The following CAMK2A variants were observed in gnomAD, a reference collection of about 807,000 sequenced individuals.
The protein encoded by CAMK2A is calcium/calmodulin-dependent protein kinase type II subunit alpha.
In CAMK2A, 7 loss-of-function variants were observed where a neutral mutation model predicts 79.2. That is an observed-to-expected ratio of 0.09 (90% CI 0.05 to 0.17). The LOEUF (loss-of-function observed/expected upper bound fraction) is 0.17, where lower values mean the gene tolerates loss of function less well. Among genes scored for constraint, CAMK2A ranks in the 10% least tolerant of loss-of-function variants. The pLI, the probability that CAMK2A is intolerant of heterozygous loss-of-function variation, is 1.00. For synonymous variants in CAMK2A, 242 were observed against 251.7 expected (o/e 0.96, Z 0.36); for missense variants, 214 against 646.4 (o/e 0.33, Z 7.25).
chr5:150,252,488 C>T (rs772783976), intron 7 of CAMK2A, among the ~76,000 whole-genome samples: 60 of 152,198 alleles, frequency 3.9e-4, no homozygotes, highest in Non-Finnish European at 4.4e-4. Context: ...CTCTGCACCC[C>T]CTTGTTGGAG....
chr5:150,278,706 T>G (rs1304936588), intron 1 of CAMK2A, among the ~76,000 whole-genome samples: 1 of 146,506 alleles, frequency 6.8e-6, no homozygotes, highest in African/African-American at 2.5e-5. Flanking sequence ...CCTCGAGGGG[T>G]GTAGGGGAAT....
chr5:150,246,130 T>C (rs1408423388), intron 12 of CAMK2A, among the ~76,000 whole-genome samples: 4 of 152,212 alleles, frequency 2.6e-5, no homozygotes, highest in Non-Finnish European at 5.9e-5. Flanking sequence ...GAGGGTCATA[T>C]GAGCCACTGA....
chr5:150,282,696 C>A (rs1051015248), intron 1 of CAMK2A, among the ~76,000 whole-genome samples: 1 of 152,364 alleles, frequency 6.6e-6, no homozygotes, highest in East Asian at 1.9e-4. Context: ...AGCCCTCTTC[C>A]CTCCAATATA....
chr5:150,289,391 C>T (rs1333870898), intron 1 of CAMK2A, among the ~76,000 whole-genome samples, 173 bp downstream of exon 1: 2 of 152,150 alleles, frequency 1.3e-5, no homozygotes. Context: ...ACAAACATAC[C>T]CACGCCCGAC....
chr5:150,253,618 A>G, intron 6 of CAMK2A, 72 bp from the exon 7 acceptor site: 1 of 1,277,510 alleles, frequency 7.8e-7, no homozygotes, highest in African/African-American at 1.5e-5. Context: ...TCAGAGCCTC[A>G]CCTCTAGGGG....
chr5:150,264,863 G>T (rs920816591), intron 3 of CAMK2A, 93 bp downstream of exon 3: 2 of 910,792 alleles, frequency 2.2e-6, no homozygotes, highest in Non-Finnish European at 1.8e-6. Context: ...GAGAGCAGCT[G>T]CTCTCCACCC....
upstream of CAMK2A, chr5:150,289,941 C>T (rs983440163): frequency 5.0e-6 from 2 of 399,656 alleles, no homozygotes; most frequent in Admixed American, 7.9e-5. Flanking sequence ...GACCATACCG[C>T]ACACAATACT....
intron 13 of CAMK2A, among the ~76,000 whole-genome samples, chr5:150,243,357 C>T (rs1370030551): frequency 6.6e-6 from 1 of 152,186 alleles, no homozygotes; most frequent in Non-Finnish European, 1.5e-5. Context: ...CCCAGCACCC[C>T]TAGCTCAGCG....
chr5:150,264,879 G>C, intron 3 of CAMK2A, 77 bp downstream of exon 3: 1 of 1,151,850 alleles, frequency 8.7e-7, no homozygotes, highest in Admixed American at 1.7e-5. Context: ...CACCCAACCC[G>C]CAAACACCCA....
At chr5:150,235,643 C>A (rs931145396) in intron 15 of CAMK2A, among the ~76,000 whole-genome samples, 2 of 152,122 alleles carry the variant, frequency 1.3e-5, no homozygotes, top group African/African-American at 4.8e-5. Flanking sequence ...AAGCAGAGCC[C>A]CAGGCAGCTC....
At chr5:150,234,249 T>C (rs1322454471) in intron 15 of CAMK2A, among the ~76,000 whole-genome samples, 1 of 152,176 alleles carries the variant, frequency 6.6e-6, no homozygotes, top group African/African-American at 2.4e-5. Context: ...GGCTCACCGT[T>C]CCAGGAGCCT....
At chr5:150,273,182 G>C in intron 1 of CAMK2A, 23 bp from the exon 2 acceptor site, 1 of 1,572,674 alleles carries the variant, frequency 6.4e-7, no homozygotes, top group Non-Finnish European at 8.7e-7. Flanking sequence ...AGAAGGTGGA[G>C]AGGGTGAGGG....
Position 150,247,818 on chromosome 5 carries a change from C to T in CAMK2A, c.901-4G>A, listed in dbSNP as rs1379270430. On this transcript the variant is annotated splice_polypyrimidine_tract_variant and splice_region_variant and intron_variant, in intron 11 of 18. Coordinates refer to ENST00000671881, the MANE Select transcript of CAMK2A (RefSeq NM_015981.4). Reference sequence around the variant, plus strand: ...GCATCGTGGTGAGAATGGCTCCCTGCAAGACATAAGAAGAGGGCAGTGGGA... The same window carrying T: ...GCATCGTGGTGAGAATGGCTCCCTGTAAGACATAAGAAGAGGGCAGTGGGA... 2 of 1,612,556 alleles carry T rather than the reference C, an allele frequency of 1.2e-6. No individual in the cohort carries two copies. The highest frequency in any genetic ancestry group is 1.7e-6 in the Non-Finnish European group (2 of 1,179,514).
chr5:150,228,734 C>T (rs1226110006), intron 16 of CAMK2A, among the ~76,000 whole-genome samples: 1 of 152,120 alleles, frequency 6.6e-6, no homozygotes, highest in Admixed American at 6.5e-5. Flanking sequence ...TTTTCCTTCA[C>T]ATAAAAGTGA....
Position 150,223,335 on chromosome 5 carries a change from G to A in CAMK2A, c.1238-118C>T. ...TGGAGGCGCCCTGCCTGACTCATTTGCAGGGAAGGGGCCTGTGTGGCAGGA... is the reference window on the plus strand; with the variant it reads ...TGGAGGCGCCCTGCCTGACTCATTTACAGGGAAGGGGCCTGTGTGGCAGGA... On this transcript the variant is annotated intron_variant, in intron 17 of 18. Coordinates refer to ENST00000671881, the MANE Select transcript of CAMK2A (RefSeq NM_015981.4). This position sits in a 1 kb window ranked among gnomAD's most constrained non-coding sequence, Gnocchi z 4.1. 1 of 772,782 alleles carries A rather than the reference G, an allele frequency of 1.3e-6. No homozygotes were observed. The highest frequency in any genetic ancestry group is 1.7e-5 in the South Asian group (1 of 59,048). 47.9% of individuals were successfully genotyped at this position (772,782 alleles called of 1,614,324 possible).
At chr5:150,274,297 G>A (rs188761178) in intron 1 of CAMK2A, among the ~76,000 whole-genome samples, 282 of 152,302 alleles carry the variant, frequency 1.9e-3, no homozygotes, top group African/African-American at 6.5e-3. Context: ...GAAAAACATT[G>A]TCACCATGTA....
intron 16 of CAMK2A, among the ~76,000 whole-genome samples, chr5:150,229,901 G>A: frequency 6.6e-6 from 1 of 152,198 alleles, no homozygotes; most frequent in Non-Finnish European, 1.5e-5. Context: ...ATACACATAT[G>A]TACACATCAC....
intron 13 of CAMK2A, among the ~76,000 whole-genome samples, chr5:150,243,988 C>T (rs140005627): frequency 5.1e-4 from 78 of 152,310 alleles, no homozygotes; most frequent in African/African-American, 1.8e-3. Flanking sequence ...AGTCCAGTAC[C>T]TTTGGGATCT....
chr5:150,253,139 G>C (rs1019159355), intron 7 of CAMK2A, among the ~76,000 whole-genome samples: 1 of 152,216 alleles, frequency 6.6e-6, no homozygotes, highest in Non-Finnish European at 1.5e-5. Context: ...ACTTCCCTAA[G>C]GCCTTCAACC....
Sources: gnomAD v4.1 joint callset for allele counts (sites outside exome capture counted in the v4.1 genomes callset) on GRCh38, gnomAD v4.1.1 for gene constraint, Gnocchi (gnomAD v3.1) non-coding constraint, MANE v1.5 for transcripts, NCBI Gene and HGNC (gene_info 2026-07-23, HGNC 2026-07-21) for gene names.